Variants in SEZ6 observed in about 807,000 individuals in gnomAD.
SEZ6 encodes the protein seizure related 6 homolog.
A neutral mutation model predicts 101.0 loss-of-function variants in SEZ6; 53 were observed. The ratio of observed to expected loss-of-function variants is 0.52; its 90% CI spans 0.42 to 0.66. The LOEUF is 0.66. Among genes scored for constraint, SEZ6 ranks in the 30% least tolerant of loss-of-function variants. The pLI, the probability that SEZ6 is intolerant of heterozygous loss-of-function variation, is 0.00. For synonymous variants in SEZ6, 488 were observed against 512.2 expected (o/e 0.95, Z 0.64); for missense variants, 1,102 against 1,289.4 (o/e 0.85, Z 2.23).
In SEZ6 at chr17:28,981,710, C is replaced by G; in HGVS notation, c.385G>C (p.Val129Leu). 1 of 1,593,144 alleles carries G rather than the reference C, an allele frequency of 6.3e-7. No individual in the cohort carries two copies. The highest frequency in any genetic ancestry group is 8.6e-7 in the Non-Finnish European group (1 of 1,166,134). ...TCCTTGGACTGGGGCTGAGTGGGTA[C>G]CGCAGCCATGGCTGGAGTGGGGCTG... is the stretch of plus-strand genomic sequence containing the variant. ...FTSPTPAMAAVPTQPQSKEGP... is the reference protein window; with the variant it reads ...FTSPTPAMAALPTQPQSKEGP... Residue 129 changes from valine to leucine, a missense_variant, in exon 2 of 17, where the codon GTA becomes CTA. By Grantham distance (32) the Val-to-Leu change is conservative (BLOSUM62 1). Transcript: ENST00000317338.
chr17:28,976,452 C>CAA (rs2041221999), intron 3 of SEZ6, among the ~76,000 whole-genome samples: 1 of 152,198 alleles, frequency 6.6e-6, no homozygotes, highest in Admixed American at 6.5e-5. Flanking sequence ...TCCTGTCACT[C>CAA]TTCTTGCCCA....
chr17:28,957,166 T>G lies in SEZ6; in HGVS notation c.2571A>C (p.Pro857=). 6.2e-7 allele frequency: 1 copy of G among 1,613,972 alleles called. No individual in the cohort carries two copies. Among genetic ancestry groups the G allele is most frequent in the Non-Finnish European group, 8.5e-7 (1 of 1,179,860 alleles). The change falls in exon 13 of 17, where the codon CCA becomes CCC. Residue 857 remains proline, a synonymous_variant. Transcript: ENST00000317338. Reference sequence around the variant, plus strand: ...ACGAGAAGTGGATGGTGGCCCCTGCTGGGTGTAGCTGCTTCTCAGGACTTC... The same window carrying G: ...ACGAGAAGTGGATGGTGGCCCCTGCGGGGTGTAGCTGCTTCTCAGGACTTC... The part of the protein sequence containing the change: ...GARSPEKQLH[P]AGATIHFSCA...
intron 1 of SEZ6, among the ~76,000 whole-genome samples, chr17:28,995,351 G>T (rs925750440): frequency 1.3e-5 from 2 of 152,032 alleles, no homozygotes; most frequent in Non-Finnish European, 2.9e-5. Context: ...TGTATGTGGG[G>T]GGGGGTGCAT....
intron 3 of SEZ6, among the ~76,000 whole-genome samples, chr17:28,972,731 C>T (rs1598192031): frequency 1.3e-5 from 2 of 152,322 alleles, no homozygotes; most frequent in East Asian, 1.9e-4. Flanking sequence ...GACTCACACA[C>T]GTGGAATCTG....
rs918160293 is a variant in SEZ6, at chr17:29,005,629, G to C, written c.55+186C>G. Among the ~76,000 whole-genome samples the C allele has an allele frequency of 1.5e-4, 22 of 151,424 alleles. No individual in the cohort carries two copies. The highest frequency in any genetic ancestry group is 3.1e-4 in the Non-Finnish European group (21 of 67,830). ...GCCGGGCGCGAATGGCGGGAGCCGC[G>C]GCAGCTTCCCGCCCGCGAAGCCCGC... On this transcript the variant is annotated intron_variant, in intron 1 of 16. Transcript: ENST00000317338. This position sits in a 1 kb window ranked among gnomAD's most constrained non-coding sequence, Gnocchi z 4.8.
At chr17:28,993,357 C>A (rs896663621) in intron 1 of SEZ6, among the ~76,000 whole-genome samples, 8 of 152,130 alleles carry the variant, frequency 5.3e-5, no homozygotes, top group Non-Finnish European at 1.0e-4. Context: ...ACCCACTGGC[C>A]CCAAGGTGGG....
intron 1 of SEZ6, among the ~76,000 whole-genome samples, chr17:28,990,775 C>T (rs2041445656): frequency 6.6e-6 from 1 of 151,724 alleles, no homozygotes; most frequent in East Asian, 1.9e-4. Flanking sequence ...AAGAAGACTC[C>T]CGAATAATAG....
intron 3 of SEZ6, among the ~76,000 whole-genome samples, chr17:28,977,373 C>T (rs1378742945): frequency 6.6e-6 from 1 of 152,270 alleles, no homozygotes; most frequent in Non-Finnish European, 1.5e-5. Context: ...TATCTCAGGC[C>T]GTCCGGGCCG....
chr17:28,997,176 G>A (rs1180089799), intron 1 of SEZ6, among the ~76,000 whole-genome samples: 2 of 152,078 alleles, frequency 1.3e-5, no homozygotes, highest in East Asian at 3.9e-4. Context: ...AGGGAAGGGG[G>A]CCAAGGGGAT....
In SEZ6 at chr17:29,005,961, G is replaced by C; in HGVS notation, c.-92C>G. On this transcript the variant is annotated 5_prime_UTR_variant, in exon 1 of 17. Transcript: ENST00000317338. This position sits in a 1 kb window ranked among gnomAD's most constrained non-coding sequence, Gnocchi z 4.8. ...GGGCGCGGGGGCAGAGCCGGGTCCG[G>C]CCGGGTAGAGGGAGCGGGGCCGCAG... The C allele has an allele frequency of 1.7e-6, 2 of 1,152,492 alleles. No homozygotes were observed. Among genetic ancestry groups the C allele is most frequent in the African/African-American group, 1.6e-5 (1 of 61,488 alleles). The allele number at this position is 1,152,492 out of a possible 1,614,324, so 71.4% of individuals were successfully genotyped here. A position where few individuals can be genotyped will look rare whatever the true frequency, so the allele number is the denominator to read the frequency against.
At position 28,960,863 on chromosome 17, in the gene SEZ6, C is replaced by G. The variant is rs2040966642; in HGVS notation, c.1351G>C (p.Glu451Gln). The change falls in exon 6 of 17, where the codon GAG (glutamate) becomes CAG (glutamine). Residue 451 changes from glutamate (E) to glutamine (Q), a missense_variant. Around this residue, in one of 3 missense-constraint regions of SEZ6, gnomAD observed 556 missense variants for 735.1 expected, o/e 0.76. Coordinates refer to ENST00000317338, the MANE Select transcript of SEZ6 (RefSeq NM_178860.5). ...LTCHWLLEAPEGQRLHLHFEK... is the reference protein window; with the variant it reads ...LTCHWLLEAPQGQRLHLHFEK... Reference sequence around the variant, plus strand: ...AAGTGCAGGTGTAGCCGCTGGCCCTCAGGAGCCTCAAGCAGCCAGTGACAG... The same window carrying G: ...AAGTGCAGGTGTAGCCGCTGGCCCTGAGGAGCCTCAAGCAGCCAGTGACAG... 1.2e-6 allele frequency: 2 copies of G among 1,613,998 alleles called. No individual in the cohort carries two copies. The highest frequency in any genetic ancestry group is 4.5e-5 in the East Asian group (2 of 44,878).
intron 4 of SEZ6, among the ~76,000 whole-genome samples, chr17:28,969,046 T>TG (rs1264022342): frequency 1.3e-5 from 2 of 152,152 alleles, no homozygotes; most frequent in African/African-American, 4.8e-5. Context: ...CATGACTTTG[T>TG]GGGGTAGGTG....
intron 1 of SEZ6, among the ~76,000 whole-genome samples, chr17:28,982,544 C>T (rs2041323823): frequency 6.6e-6 from 1 of 152,214 alleles, no homozygotes; most frequent in Non-Finnish European, 1.5e-5. Context: ...GATGATAGGG[C>T]ATTCAAGTTC....
chr17:28,994,812 C>G (rs1002511647), intron 1 of SEZ6, among the ~76,000 whole-genome samples: 4 of 151,792 alleles, frequency 2.6e-5, no homozygotes, highest in African/African-American at 9.7e-5. Context: ...TCCGGATGGG[C>G]AGGGGTAGAG....
rs73986768 is a variant in SEZ6 at position 28,982,121 on chromosome 17, C to T, written c.56-82G>A. 2.7e-4 allele frequency: 394 copies of T among 1,464,204 alleles called. 1 individual carries two copies. In the African/African-American group the frequency reaches 5.1e-3, roughly 19 times the overall value. 90.7% of individuals were successfully genotyped at this position (1,464,204 alleles called of 1,614,324 possible). On this transcript the variant is annotated intron_variant, in intron 1 of 16. Transcript: ENST00000317338. ...GCCCAACTCGAGTAGTGGGGGGGCC[C>T]GCTCTCTTTTGACAGACAGCCCTGA... is the stretch of plus-strand genomic sequence containing the variant.
Position 28,960,518 on chromosome 17 carries a change from G to T in SEZ6, c.1563C>A (p.Ala521=). The T allele has an allele frequency of 6.3e-7, 1 of 1,592,542 alleles. No homozygotes were observed. The highest frequency in any genetic ancestry group is 1.1e-5 in the South Asian group (1 of 87,380). The change falls in exon 7 of 17, where the codon GCC becomes GCA. Residue 521 remains alanine, a synonymous_variant. Coordinates refer to ENST00000317338, the MANE Select transcript of SEZ6 (RefSeq NM_178860.5). The part of the protein sequence containing the change: ...TDSSGAAAGM[A]LRYEAFQQGH... ...CAGCAGGCTCACCCTCATAGCGCAG[G>T]GCCATGCCTGCAGCTGCCCCGCTGC...
chr17:28,961,884 A>G (rs2040984167), intron 5 of SEZ6, among the ~76,000 whole-genome samples: 1 of 152,200 alleles, frequency 6.6e-6, no homozygotes, highest in Admixed American at 6.5e-5. Flanking sequence ...CAAATGCTCA[A>G]GGCAGCAGAA....
chr17:28,999,077 A>C (rs974806054), intron 1 of SEZ6, among the ~76,000 whole-genome samples: 7 of 152,158 alleles, frequency 4.6e-5, no homozygotes, highest in African/African-American at 1.7e-4. Flanking sequence ...TAGCTGTTGA[A>C]TAGAGGGTTG....
chr17:28,971,544 G>C (rs2041152008), intron 3 of SEZ6, among the ~76,000 whole-genome samples: 1 of 151,778 alleles, frequency 6.6e-6, no homozygotes, highest in Non-Finnish European at 1.5e-5. Context: ...GGTGAGCCGA[G>C]ATCGCGCCAT....
Sources: gnomAD v4.1 joint callset for allele counts (sites outside exome capture counted in the v4.1 genomes callset) on GRCh38, gnomAD v4.1.1 for gene constraint, gnomAD v4.1.1 regional missense constraint, Gnocchi (gnomAD v3.1) non-coding constraint, MANE v1.5 for transcripts, NCBI Gene and HGNC (gene_info 2026-07-23, HGNC 2026-07-21) for gene names.